The following POLK variants were observed in gnomAD, a reference collection of about 807,000 sequenced individuals.
POLK encodes polymerase (DNA directed) kappa.
Under a neutral mutation model 94.0 loss-of-function variants are expected in POLK, and 76 were observed. That is an observed-to-expected ratio of 0.81 (90% CI 0.67 to 0.98). POLK has a LOEUF of 0.98. POLK is among the 50% of genes least tolerant of loss of function. The pLI is 0.00. For synonymous variants in POLK, 349 were observed against 325.4 expected, an observed-to-expected ratio of 1.07 and a Z score of -0.78; for missense variants, 954 against 1,010.1, an observed-to-expected ratio of 0.94 and a Z score of 0.75.
Position 75,587,010 on chromosome 5 carries a change from T to G in POLK, c.1227-16T>G, listed in dbSNP as rs769063785. ...TCAGTCTTTGAAAAATAAAGACCTTTTTTTTTCATTTCAAGGGATGGAGAG... is the reference window on the plus strand; with the variant it reads ...TCAGTCTTTGAAAAATAAAGACCTTGTTTTTTCATTTCAAGGGATGGAGAG... On this transcript the variant is annotated splice_polypyrimidine_tract_variant and intron_variant, in intron 9 of 14. Transcript: ENST00000241436. The G allele has an allele frequency of 1.3e-6, 2 of 1,540,174 alleles. No homozygotes were observed. Among genetic ancestry groups the G allele is most frequent in the Non-Finnish European group, 1.8e-6 (2 of 1,135,814 alleles).
chr5:75,595,867 A>G (rs1046119485), intron 12 of POLK, among the ~76,000 whole-genome samples: 5 of 151,614 alleles, frequency 3.3e-5, no homozygotes, highest in African/African-American at 1.2e-4. Context: ...CTTCTGCTCA[A>G]TTTTGCTGTG....
chr5:75,580,396 GTA>G (rs528818868), intron 6 of POLK, among the ~76,000 whole-genome samples: 87 of 152,116 alleles, frequency 5.7e-4, no homozygotes, highest in African/African-American at 2.1e-3. Flanking sequence ...GACATTTTTA[GTA>G]TCAGTATAGA....
chr5:75,511,312 G>C (rs1245114881), upstream of POLK: 1 of 1,551,636 alleles, frequency 6.4e-7, no homozygotes, highest in African/African-American at 1.4e-5. Context: ...GAAGCGAAGA[G>C]TGCCCGCTCC....
intron 4 of POLK, among the ~76,000 whole-genome samples, chr5:75,572,439 G>A (rs139199870): frequency 1.3e-5 from 2 of 151,788 alleles, no homozygotes; most frequent in African/African-American, 2.4e-5. Context: ...GACCAAATTC[G>A]AAAAGTTTAC....
chr5:75,573,115 A>G (rs950408219), intron 4 of POLK, among the ~76,000 whole-genome samples: 1 of 152,150 alleles, frequency 6.6e-6, no homozygotes, highest in African/African-American at 2.4e-5. Flanking sequence ...AACCAACCCA[A>G]ATGTCCAACA....
chr5:75,566,956 T>C lies in POLK; in HGVS notation c.256-2384T>C, dbSNP rs1021569541. On this transcript the variant is annotated intron_variant, in intron 3 of 14. Coordinates refer to ENST00000241436, the Ensembl canonical transcript of POLK. Reference sequence around the variant, plus strand: ...AGGACAATATGAATGGGGATTTCAGTTGAAGAAACTTTTAAAAGCAGTAGT... The same window carrying C: ...AGGACAATATGAATGGGGATTTCAGCTGAAGAAACTTTTAAAAGCAGTAGT... 3.3e-5 allele frequency among the ~76,000 whole-genome samples: 5 copies of C among 152,288 alleles called. No homozygotes were observed. The East Asian group carries it at 7.7e-4, about 24-fold the overall frequency.
chr5:75,511,129 A>G, upstream of POLK: 1 of 1,597,204 alleles, frequency 6.3e-7, no homozygotes, highest in Non-Finnish European at 8.5e-7. Context: ...AGGACCCCGC[A>G]GCGCTCCACA....
At position 75,558,852 on chromosome 5, in the gene POLK, GTA is replaced by G. The variant is rs3839274; in HGVS notation, c.255+6266_255+6267del. 2.9e-4 allele frequency among the ~76,000 whole-genome samples: 44 copies of G among 152,228 alleles called. No individual in the cohort carries two copies. The East Asian group carries it at 7.3e-3, about 25-fold the overall frequency. On this transcript the variant is annotated intron_variant, in intron 3 of 14. Coordinates refer to ENST00000241436, the Ensembl canonical transcript of POLK. The stretch of plus-strand genomic sequence containing the variant: ...TATATTTAACAGTTTTAATGATACA[GTA>G]TATAAGTGATGCTAACAACTGTTAG...
intron 3 of POLK, among the ~76,000 whole-genome samples, chr5:75,562,814 A>G (rs1260915170): frequency 1.3e-5 from 2 of 152,220 alleles, no homozygotes; most frequent in African/African-American, 4.8e-5. Context: ...GATTACGTTT[A>G]TTGAATTGCA....
intron 7 of POLK, chr5:75,582,056 G>A: frequency 3.1e-6 from 3 of 980,808 alleles, no homozygotes; most frequent in Non-Finnish European, 3.6e-6. Context: ...TTGAGTATTA[G>A]TTTTTCCTTG....
chr5:75,515,620 CGTA>C lies in POLK; in HGVS notation c.-14+3714_-14+3716del, dbSNP rs535504156. 9.9e-5 allele frequency among the ~76,000 whole-genome samples: 15 copies of C among 152,248 alleles called. No individual in the cohort carries two copies. In the South Asian group the frequency reaches 1.0e-3, roughly 11 times the overall value. The stretch of plus-strand genomic sequence containing the variant: ...TATTGATTTCCCTTTTGGATATATA[CGTA>C]GTAGTAGAATTGCTAGATCATACAG... On this transcript the variant is annotated intron_variant, in intron 1 of 14. Coordinates refer to ENST00000241436, the Ensembl canonical transcript of POLK.
At chr5:75,599,068 C>T (rs1201130778) in exon 15 of POLK, 1 of 151,580 alleles carries the variant, frequency 6.6e-6, no homozygotes, top group East Asian at 1.9e-4. Context: ...TGGTGAGACC[C>T]TGTCTCTACT....
chr5:75,600,482 T>C (rs981454061), exon 15 of POLK: 4 of 152,224 alleles, frequency 2.6e-5, no homozygotes, highest in African/African-American at 9.6e-5. Flanking sequence ...AGTTATTTTT[T>C]TCCCTGTCAG....
intron 3 of POLK, among the ~76,000 whole-genome samples, chr5:75,566,136 C>T (rs1348631637): frequency 6.6e-6 from 1 of 152,192 alleles, no homozygotes; most frequent in Non-Finnish European, 1.5e-5. Flanking sequence ...CCACCCAGTT[C>T]GAACTTCCCA....
rs1580985941 is a variant in POLK at position 75,546,878 on chromosome 5, G to A, written c.-13-132G>A. Reference sequence around the variant, plus strand: ...GACAGGGTTTCACCATGTTGCCCAGGCTGGTGTCGAACCCCTGAGCTCAGT... The same window carrying A: ...GACAGGGTTTCACCATGTTGCCCAGACTGGTGTCGAACCCCTGAGCTCAGT... On this transcript the variant is annotated intron_variant, in intron 1 of 14. Coordinates refer to ENST00000241436, the Ensembl canonical transcript of POLK. 4 of 414,978 alleles carry A rather than the reference G, an allele frequency of 9.6e-6. No individual in the cohort carries two copies. In the East Asian group the frequency reaches 1.5e-4, roughly 15 times the overall value. 25.7% of individuals were successfully genotyped at this position (414,978 alleles called of 1,614,324 possible).
At chr5:75,568,458 A>G (rs1319689870) in intron 3 of POLK, among the ~76,000 whole-genome samples, 1 of 152,170 alleles carries the variant, frequency 6.6e-6, no homozygotes, top group African/African-American at 2.4e-5. Flanking sequence ...TGGAAGTTAG[A>G]AATGAGTATG....
At chr5:75,569,383 G>T (rs1420204748) in exon 4 of POLK, 3 of 1,612,698 alleles carry the variant, frequency 1.9e-6, no homozygotes, top group Non-Finnish European at 2.5e-6. Context: ...CGAAATTTGA[G>T]CAATACCATA....
intron 3 of POLK, among the ~76,000 whole-genome samples, chr5:75,564,015 T>C (rs771756562): frequency 5.9e-5 from 9 of 152,156 alleles, no homozygotes; most frequent in Admixed American, 3.3e-4. Flanking sequence ...CCCACTGTTA[T>C]TGTGTGGGAG....
chr5:75,574,547 G>A (rs1771763003), intron 5 of POLK, among the ~76,000 whole-genome samples: 1 of 151,988 alleles, frequency 6.6e-6, no homozygotes, highest in South Asian at 2.1e-4. Context: ...AATACTTTTA[G>A]ACTGCTATAG....
Sources: gnomAD v4.1 joint callset for allele counts (sites outside exome capture counted in the v4.1 genomes callset) on GRCh38, gnomAD v4.1.1 for gene constraint, MANE v1.5 for transcripts, NCBI Gene and HGNC (gene_info 2026-07-23, HGNC 2026-07-21) for gene names.